PATJ: variants seen among roughly 807,000 people sequenced by gnomAD.
PATJ encodes the protein PATJ crumbs cell polarity complex component, also known as inaD-like protein.
PATJ carries 190 observed loss-of-function variants against 224.9 expected under a neutral mutation model. That is an observed-to-expected ratio of 0.84 (90% CI 0.75 to 0.95). The LOEUF (loss-of-function observed/expected upper bound fraction) is 0.95. PATJ is among the 40% of genes least tolerant of loss of function. PATJ has a pLI of 0.00. For synonymous variants in PATJ, 769 were observed against 820.3 expected, an observed-to-expected ratio of 0.94 and a Z score of 1.07; for missense variants, 2,121 against 2,270.3, an observed-to-expected ratio of 0.93 and a Z score of 1.34.
chr1:62,028,447 C>T (rs775681748), intron 29 of PATJ, among the ~76,000 whole-genome samples: 1 of 152,152 alleles, frequency 6.6e-6, no homozygotes, highest in Non-Finnish European at 1.5e-5. Context: ...CATCCATTCC[C>T]CCATTGAATG....
intron 18 of PATJ, 125 bp downstream of exon 18, chr1:61,856,364 G>A (rs1341985235): frequency 2.8e-6 from 2 of 718,802 alleles, no homozygotes; most frequent in African/African-American, 3.6e-5. Context: ...TGTGACCTTG[G>A]GCAGGTTTCT....
intron 28 of PATJ, among the ~76,000 whole-genome samples, chr1:62,010,996 C>A (rs1646413950): frequency 6.6e-6 from 1 of 152,214 alleles, no homozygotes. Context: ...GCAACTTCCT[C>A]ACCTCTCTCA....
intron 14 of PATJ, among the ~76,000 whole-genome samples, chr1:61,814,547 TGCGCGC>T (rs1553168028): frequency 7.7e-5 from 11 of 142,572 alleles, no homozygotes; most frequent in African/African-American, 3.0e-4. Flanking sequence ...TGTGTGTGTG[TGCGCGC>T]GCGCGCGCAT....
intron 33 of PATJ, among the ~76,000 whole-genome samples, chr1:62,094,333 A>G (rs1320490041): frequency 1.3e-5 from 2 of 152,252 alleles, no homozygotes; most frequent in East Asian, 1.9e-4. Context: ...CCTCAAAGCT[A>G]CAGTGAGCTG....
At chr1:62,150,627 C>CACA (rs1668520754) in intron 42 of PATJ, among the ~76,000 whole-genome samples, 1 of 133,218 alleles carries the variant, frequency 7.5e-6, no homozygotes, top group African/African-American at 2.8e-5. Context: ...CAACGGGCTG[C>CACA]AGTTGTGCCA....
At chr1:61,942,228 T>C (rs1208397258) in intron 27 of PATJ, among the ~76,000 whole-genome samples, 1 of 152,156 alleles carries the variant, frequency 6.6e-6, no homozygotes, top group East Asian at 1.9e-4. Context: ...TTCAACTTTA[T>C]TTAATTTACT....
intron 31 of PATJ, among the ~76,000 whole-genome samples, chr1:62,066,180 ATT>A (rs1359660475): frequency 6.6e-6 from 1 of 152,092 alleles, no homozygotes. Context: ...CTTTCATGGC[ATT>A]TACTATGCAT....
intron 1 of PATJ, among the ~76,000 whole-genome samples, chr1:61,742,822 C>T (rs1458448742): frequency 1.3e-5 from 2 of 150,372 alleles, no homozygotes; most frequent in South Asian, 2.1e-4. Context: ...CCTCCTGCGT[C>T]GGGCCCGGGT....
rs148404557 is a variant in PATJ at position 62,127,984 on chromosome 1, G to T, written c.5056G>T (p.Ala1686Ser). The T allele has an allele frequency of 7.3e-5, 118 of 1,613,846 alleles. No individual in the cohort carries two copies. The East Asian group carries it at 2.6e-3, about 36-fold the overall frequency. ...CTTCCTTTTTTAGGAGCTCAGTGAT[G>T]CCCTTGGAATCAGTATTGCTGGAGG... is the stretch of plus-strand genomic sequence containing the variant. Reference protein sequence around the residue: ...TVEINRELSDALGISIAGGRG... With the variant: ...TVEINRELSDSLGISIAGGRG... Residue 1686 changes from alanine (A) to serine (S), a missense_variant, in exon 40 of 44, where the codon GCC becomes TCC. Transcript: ENST00000642238.
rs1452704768 is a variant in PATJ, at chr1:62,114,210, C to T, written c.4619C>T (p.Ala1540Val). ...TTCCCTGTGGATCTGCAGAAGAAAG[C>T]TGGCCGGGGCCTGGGCCTGAGCATC... The part of the protein sequence containing the change: ...EIFPVDLQKK[A>V]GRGLGLSIVG... The change falls in exon 35 of 44, where the codon GCT becomes GTT. Residue 1540 changes from alanine to valine, a missense_variant. Ala to Val is a moderately conservative substitution (Grantham distance 64). Coordinates refer to ENST00000642238, the MANE Select transcript of PATJ (RefSeq NM_001350145.3). The T allele has an allele frequency of 1.2e-6, 2 of 1,614,170 alleles. No individual in the cohort carries two copies. Among genetic ancestry groups the T allele is most frequent in the Admixed American group, 1.7e-5 (1 of 60,012 alleles).
intron 27 of PATJ, among the ~76,000 whole-genome samples, chr1:61,964,413 G>A (rs960987473): frequency 3.9e-5 from 6 of 152,014 alleles, no homozygotes; most frequent in Non-Finnish European, 7.4e-5. Flanking sequence ...ATGTGTTCTC[G>A]ACTATTCTTA....
intron 33 of PATJ, among the ~76,000 whole-genome samples, chr1:62,094,682 T>C (rs1411218498): frequency 1.3e-5 from 2 of 152,112 alleles, no homozygotes; most frequent in Non-Finnish European, 2.9e-5. Flanking sequence ...CCACCATTAT[T>C]TATTGCTGTT....
chr1:62,112,016 A>G (rs1663887438), intron 34 of PATJ, among the ~76,000 whole-genome samples: 1 of 152,096 alleles, frequency 6.6e-6, no homozygotes, highest in Non-Finnish European at 1.5e-5. Flanking sequence ...AAGTGAACAC[A>G]CAAGCCACCA....
chr1:61,998,758 G>A (rs943856030), intron 28 of PATJ, among the ~76,000 whole-genome samples: 1 of 152,114 alleles, frequency 6.6e-6, no homozygotes, highest in African/African-American at 2.4e-5. Flanking sequence ...AACCTAGTTC[G>A]TATCGGTTGG....
chr1:61,947,959 G>T (rs1358458574), intron 27 of PATJ, among the ~76,000 whole-genome samples: 1 of 152,082 alleles, frequency 6.6e-6, no homozygotes, highest in Non-Finnish European at 1.5e-5. Context: ...AACATGAAAT[G>T]GGGAAAGGAT....
At chr1:61,974,521 C>G (rs1483189617) in intron 27 of PATJ, among the ~76,000 whole-genome samples, 1 of 147,218 alleles carries the variant, frequency 6.8e-6, no homozygotes, top group Non-Finnish European at 1.5e-5. Flanking sequence ...TCAAGCGATT[C>G]TCCTGACTCA....
intron 7 of PATJ, among the ~76,000 whole-genome samples, chr1:61,780,915 A>G (rs1647220754): frequency 6.6e-6 from 1 of 152,188 alleles, no homozygotes; most frequent in African/African-American, 2.4e-5. Context: ...CAGATCATCA[A>G]AGAGGAGGTA....
At chr1:61,894,197 T>C (rs1397187141) in intron 22 of PATJ, among the ~76,000 whole-genome samples, 2 of 151,320 alleles carry the variant, frequency 1.3e-5, no homozygotes, top group Non-Finnish European at 2.9e-5. Context: ...GAGGTTGCAG[T>C]GAGCGAAGAT....
chr1:61,750,389 G>A (rs1382992785), intron 1 of PATJ, among the ~76,000 whole-genome samples: 5 of 151,400 alleles, frequency 3.3e-5, no homozygotes, highest in Non-Finnish European at 5.9e-5. Context: ...ATAGGGGCTG[G>A]TGGGCAGGGC....
Sources: allele counts gnomAD v4.1 joint callset (sites outside exome capture counted in the v4.1 genomes callset), GRCh38; gene constraint gnomAD v4.1.1; transcripts MANE v1.5; gene names NCBI Gene and HGNC (gene_info 2026-07-23, HGNC 2026-07-21).